The following NAALADL2 variants were observed in gnomAD, a reference collection of about 807,000 sequenced individuals.
NAALADL2 encodes inactive N-acetylated-alpha-linked acidic dipeptidase-like protein 2.
A neutral mutation model predicts 87.2 loss-of-function variants in NAALADL2; 76 were observed. The ratio of observed to expected loss-of-function variants is 0.87; its 90% CI spans 0.72 to 1.05. NAALADL2 has a LOEUF of 1.05. Among genes scored for constraint, NAALADL2 ranks in the 50% least tolerant of loss-of-function variants. The pLI, the probability that NAALADL2 is intolerant of heterozygous loss-of-function variation, is 0.00. For missense variants in NAALADL2, 1,089 were observed against 945.8 expected, an observed-to-expected ratio of 1.15 and a Z score of -1.99; for synonymous variants, 354 against 331.0, an observed-to-expected ratio of 1.07 and a Z score of -0.75.
intron 5 of NAALADL2, among the ~76,000 whole-genome samples, chr3:175,367,598 A>G (rs1042497921): frequency 1.1e-4 from 16 of 152,158 alleles, no homozygotes; most frequent in East Asian, 9.7e-4. Flanking sequence ...TGGATTCCTA[A>G]GTATTTTATT....
chr3:175,549,157 A>ACG (rs397719120), intron 9 of NAALADL2, among the ~76,000 whole-genome samples: 11 of 150,566 alleles, frequency 7.3e-5, no homozygotes, highest in Admixed American at 4.7e-4. Flanking sequence ...TTTCCCTTGC[A>ACG]TTGTTTTATT....
chr3:174,665,834 G>A (rs491606), intron 2 of NAALADL2, among the ~76,000 whole-genome samples: 14 of 152,046 alleles, frequency 9.2e-5, no homozygotes, highest in African/African-American at 3.1e-4. Flanking sequence ...TGCCTCTCTC[G>A]TAGTTTCTTG....
At chr3:175,336,751 C>G (rs1051830129) in intron 5 of NAALADL2, among the ~76,000 whole-genome samples, 7 of 152,150 alleles carry the variant, frequency 4.6e-5, no homozygotes, top group Admixed American at 1.3e-4. Context: ...CTAATCTTTT[C>G]CTCAGCATGA....
chr3:175,360,873 A>C (rs967971625), intron 5 of NAALADL2, among the ~76,000 whole-genome samples: 4 of 123,750 alleles, frequency 3.2e-5, no homozygotes, highest in Non-Finnish European at 5.3e-5. Flanking sequence ...TTTTTTTTTA[A>C]TTTTTTTTAT....
chr3:175,783,136 G>A (rs1185088549), intron 13 of NAALADL2, among the ~76,000 whole-genome samples: 3 of 152,218 alleles, frequency 2.0e-5, no homozygotes, highest in African/African-American at 7.2e-5. Flanking sequence ...AAGTCAGGTA[G>A]TGTGATGCCT....
intron 1 of NAALADL2, among the ~76,000 whole-genome samples, chr3:174,486,415 T>C (rs1425029305): frequency 6.6e-6 from 1 of 152,086 alleles, no homozygotes; most frequent in African/African-American, 2.4e-5. Flanking sequence ...TGGGTCCCCC[T>C]AGTGCTTTTA....
intron 3 of NAALADL2, among the ~76,000 whole-genome samples, chr3:174,846,725 G>A (rs538327606): frequency 3.3e-5 from 5 of 152,256 alleles, no homozygotes; most frequent in African/African-American, 4.8e-5. Context: ...AGTTAAATGA[G>A]TTAAATGTTA....
chr3:175,427,752 A>G (rs895080795), intron 5 of NAALADL2, among the ~76,000 whole-genome samples: 1 of 151,784 alleles, frequency 6.6e-6, no homozygotes. Context: ...TATTTTTAAA[A>G]TTTGCATATT....
chr3:175,059,955 G>A (rs1219131915), intron 1 of NAALADL2: 3 of 432,928 alleles, frequency 6.9e-6, no homozygotes, highest in South Asian at 3.8e-5. Flanking sequence ...CATAACCTTC[G>A]ATGTAGCTCT....
chr3:174,481,317 A>C (rs73881172), intron 1 of NAALADL2, among the ~76,000 whole-genome samples: 2,214 of 152,162 alleles, frequency 0.015, 48 homozygotes, highest in African/African-American at 0.051. Context: ...AGAAAGAGTA[A>C]CATGAGGGGC....
At position 175,329,308 on chromosome 3, in the gene NAALADL2, T is replaced by C. The variant is rs4132977; in HGVS notation, c.1090+4983T>C. On this transcript the variant is annotated intron_variant, in intron 5 of 13. Transcript: ENST00000454872. The stretch of plus-strand genomic sequence containing the variant: ...CTCTATTCTAGGGAAATGTATCAAA[T>C]GACACAGTTTATTTAATATTCCCAG... Among the ~76,000 whole-genome samples, 421 of 152,342 alleles carry C rather than the reference T, an allele frequency of 2.8e-3. 1 individual carries two copies. The highest frequency in any genetic ancestry group is 9.4e-3 in the African/African-American group (391 of 41,590).
intron 5 of NAALADL2, among the ~76,000 whole-genome samples, chr3:175,366,269 T>C (rs1398863371): frequency 2.0e-5 from 3 of 150,990 alleles, no homozygotes; most frequent in Non-Finnish European, 4.4e-5. Flanking sequence ...TGTTGGACAT[T>C]TGGGTTGGTT....
chr3:175,785,666 A>C (rs1269075298), intron 13 of NAALADL2, among the ~76,000 whole-genome samples: 2 of 132,974 alleles, frequency 1.5e-5, no homozygotes, highest in East Asian at 4.2e-4. Context: ...CCAATTTGCC[A>C]GTCTGTGTCT....
chr3:175,601,896 AC>A (rs1203668818), intron 10 of NAALADL2, among the ~76,000 whole-genome samples: 1 of 152,182 alleles, frequency 6.6e-6, no homozygotes, highest in Non-Finnish European at 1.5e-5. Context: ...AAGTTATAAA[AC>A]TTTTGCTTTA....
intron 2 of NAALADL2, among the ~76,000 whole-genome samples, chr3:175,198,987 T>G (rs1739404802): frequency 6.6e-6 from 1 of 152,156 alleles, no homozygotes; most frequent in Admixed American, 6.6e-5. Flanking sequence ...CAGTGCATGT[T>G]TGCATCTGGA....
intron 1 of NAALADL2, among the ~76,000 whole-genome samples, chr3:174,999,137 G>T (rs1246684018): frequency 6.6e-6 from 1 of 152,042 alleles, no homozygotes; most frequent in Non-Finnish European, 1.5e-5. Flanking sequence ...TCTTTACTTA[G>T]AAGTGGAACA....
chr3:174,980,189 T>G (rs1269330212), intron 1 of NAALADL2, among the ~76,000 whole-genome samples: 2 of 152,232 alleles, frequency 1.3e-5, no homozygotes, highest in Non-Finnish European at 2.9e-5. Flanking sequence ...TAATTCCTAT[T>G]TAATTATCTG....
intron 10 of NAALADL2, among the ~76,000 whole-genome samples, chr3:175,598,511 A>G (rs565892909): frequency 2.0e-5 from 3 of 152,194 alleles, no homozygotes; most frequent in South Asian, 2.1e-4. Context: ...GTTTCATATA[A>G]TAACCAGAGC....
intron 3 of NAALADL2, among the ~76,000 whole-genome samples, chr3:175,250,244 TCACTTTTTCTGTGTG>T (rs1279366122): frequency 1.6e-5 from 2 of 121,632 alleles, no homozygotes; most frequent in African/African-American, 6.2e-5. Flanking sequence ...TCTTTTTCTC[TCACTTTTTCTGTGTG>T]TGTGTGTGTG....
Sources: gnomAD v4.1 joint callset for allele counts (sites outside exome capture counted in the v4.1 genomes callset) on GRCh38, gnomAD v4.1.1 for gene constraint, MANE v1.5 for transcripts, NCBI Gene and HGNC (gene_info 2026-07-23, HGNC 2026-07-21) for gene names.